EPHA3: variants seen among roughly 807,000 people sequenced by gnomAD.
EPHA3 encodes the protein EPH receptor A3.
In EPHA3, 42 loss-of-function variants were observed where a neutral mutation model predicts 107.1. The observed-to-expected ratio is 0.39, with a 90% confidence interval of 0.31 to 0.51. EPHA3 has a LOEUF of 0.51. EPHA3 is among the 20% of genes least tolerant of loss of function. The probability of loss-of-function intolerance (pLI) is 0.78; values close to 1 mark genes in which losing one functional copy is unlikely to be tolerated. For synonymous variants in EPHA3, 461 were observed against 424.8 expected, an observed-to-expected ratio of 1.09 and a Z score of -1.05; for missense variants, 1,183 against 1,211.2, an observed-to-expected ratio of 0.98 and a Z score of 0.35.
chr3:89,298,114 G>A (rs1295232803), intron 3 of EPHA3, among the ~76,000 whole-genome samples: 1 of 152,072 alleles, frequency 6.6e-6, no homozygotes, highest in African/African-American at 2.4e-5. Context: ...TGGCTGGTGG[G>A]AACAAGCATT....
intron 2 of EPHA3, among the ~76,000 whole-genome samples, chr3:89,155,151 A>T (rs1414587630): frequency 6.6e-6 from 1 of 151,688 alleles, no homozygotes; most frequent in South Asian, 2.1e-4. Context: ...GAGTTAATAG[A>T]CTCAGAAGTG....
chr3:89,263,488 T>C (rs1408503219), intron 3 of EPHA3, among the ~76,000 whole-genome samples: 1 of 152,086 alleles, frequency 6.6e-6, no homozygotes, highest in Non-Finnish European at 1.5e-5. Flanking sequence ...TGCGGGGGAT[T>C]TTATCGCTGG....
At chr3:89,434,601 G>T (rs1709631701) in intron 13 of EPHA3, among the ~76,000 whole-genome samples, 1 of 152,146 alleles carries the variant, frequency 6.6e-6, no homozygotes, top group African/African-American at 2.4e-5. Context: ...AGTTTCTCTG[G>T]CAGGAATTGG....
chr3:89,192,434 ATAAATAAAAGG>A (rs1034154791), intron 2 of EPHA3, among the ~76,000 whole-genome samples: 1 of 151,974 alleles, frequency 6.6e-6, no homozygotes, highest in Non-Finnish European at 1.5e-5. Context: ...AATAATAAAT[ATAAATAAAAGG>A]TAAAATATAC....
rs1458378115 is a variant in EPHA3, at chr3:89,360,299, AC to A, written c.1306+18210del. On this transcript the variant is annotated intron_variant, in intron 5 of 16. Transcript: ENST00000336596. ...TAATGTTACTTGCCAAAAATTTATG[AC>A]TAATTAGATAATAATTGCTTGTCCA... Among the ~76,000 whole-genome samples the A allele has an allele frequency of 2.0e-5, 3 of 150,934 alleles. 1 individual carries two copies. Among genetic ancestry groups the A allele is most frequent in the Non-Finnish European group, 4.4e-5 (3 of 67,454 alleles).
intron 7 of EPHA3, among the ~76,000 whole-genome samples, chr3:89,403,929 G>A (rs974980916): frequency 6.6e-6 from 1 of 152,114 alleles, no homozygotes; most frequent in Non-Finnish European, 1.5e-5. Flanking sequence ...GTGCATGTGT[G>A]TTGTGTTTAA....
chr3:89,452,208 T>G (rs555168625), intron 15 of EPHA3, among the ~76,000 whole-genome samples: 97 of 152,302 alleles, frequency 6.4e-4, no homozygotes, highest in Middle Eastern at 6.8e-3. Context: ...CTTCATTTCC[T>G]TTGGCTATAT....
intron 2 of EPHA3, among the ~76,000 whole-genome samples, chr3:89,141,724 A>G (rs1192713094): frequency 1.3e-5 from 2 of 151,182 alleles, no homozygotes; most frequent in Admixed American, 1.3e-4. Flanking sequence ...AAGAGATGTG[A>G]TCTGTTATAT....
At chr3:89,420,354 C>G (rs567496580) in intron 11 of EPHA3, among the ~76,000 whole-genome samples, 1 of 151,496 alleles carries the variant, frequency 6.6e-6, no homozygotes, top group South Asian at 2.1e-4. Flanking sequence ...TTTAGCATGA[C>G]TAAAAAGGCA....
intron 2 of EPHA3, among the ~76,000 whole-genome samples, chr3:89,158,379 A>T (rs1704851210): frequency 6.6e-6 from 1 of 152,080 alleles, no homozygotes; most frequent in African/African-American, 2.4e-5. Flanking sequence ...CTTACTTCTC[A>T]ATTAAGGTAT....
intron 2 of EPHA3, among the ~76,000 whole-genome samples, chr3:89,200,678 G>T (rs968711440): frequency 3.9e-5 from 6 of 152,286 alleles, no homozygotes; most frequent in African/African-American, 1.4e-4. Context: ...AGGTAGTTTT[G>T]TCCAATATCT....
In EPHA3 at chr3:89,480,821, T is replaced by C; in HGVS notation, c.*1319T>C. On this transcript the variant is annotated 3_prime_UTR_variant, in exon 17 of 17. Coordinates refer to ENST00000336596, the MANE Select transcript of EPHA3 (RefSeq NM_005233.6). ...GAGTCTTCCACTTCAATGCACATGG[T>C]GCAGTTTTGGTGTGTAACTTAGAAG... 1 of 232,536 alleles carries C rather than the reference T, an allele frequency of 4.3e-6. No individual in the cohort carries two copies. Among genetic ancestry groups the C allele is most frequent in the Non-Finnish European group, 8.5e-6 (1 of 117,284 alleles). The allele number at this position is 232,536 out of a possible 1,614,324, so 14.4% of individuals were successfully genotyped here.
chr3:89,291,207 G>C (rs1706200014), intron 3 of EPHA3, among the ~76,000 whole-genome samples: 1 of 152,118 alleles, frequency 6.6e-6, no homozygotes. Flanking sequence ...TATATATTAT[G>C]GGGTTGGTCT....
intron 1 of EPHA3, among the ~76,000 whole-genome samples, chr3:89,122,069 A>G (rs917838866): frequency 6.6e-6 from 1 of 152,186 alleles, no homozygotes; most frequent in Non-Finnish European, 1.5e-5. Flanking sequence ...TTTCTGTATC[A>G]TTTTCTTCAA....
intron 2 of EPHA3, among the ~76,000 whole-genome samples, chr3:89,140,337 TAA>T (rs2107014222): frequency 6.6e-6 from 1 of 151,974 alleles, no homozygotes; most frequent in South Asian, 2.1e-4. Flanking sequence ...CAACTAGTCT[TAA>T]AACAGAAGGA....
At chr3:89,324,155 CT>C (rs749957896) in intron 3 of EPHA3, among the ~76,000 whole-genome samples, 1,809 of 118,996 alleles carry the variant, frequency 0.015, 24 homozygotes, top group African/African-American at 0.043. Context: ...AGATGTCAGT[CT>C]TTTTTTTTTT....
In EPHA3 at chr3:89,386,247, A is replaced by C. The variant is rs547336259; in HGVS notation, c.1307-9590A>C. Among the ~76,000 whole-genome samples the C allele has an allele frequency of 7.2e-5, 11 of 152,308 alleles. No individual in the cohort carries two copies. The South Asian group carries it at 2.1e-3, about 29-fold the overall frequency. On this transcript the variant is annotated intron_variant, in intron 5 of 16. Transcript: ENST00000336596. ...TAATTGCCAAGACAATCGGGAAAAC[A>C]TCTCCAGGGCATGTCAGATATCTTT...
intron 3 of EPHA3, among the ~76,000 whole-genome samples, chr3:89,329,634 G>T (rs1389629432): frequency 6.6e-6 from 1 of 151,726 alleles, no homozygotes; most frequent in Admixed American, 6.6e-5. Context: ...TAAAGTTTTA[G>T]CATAACATAG....
At chr3:89,152,501 G>T (rs1034734171) in intron 2 of EPHA3, among the ~76,000 whole-genome samples, 5 of 151,892 alleles carry the variant, frequency 3.3e-5, no homozygotes, top group African/African-American at 9.7e-5. Context: ...GACCTAAAAC[G>T]TTCATACTGT....
Sources: allele counts gnomAD v4.1 joint callset (sites outside exome capture counted in the v4.1 genomes callset), GRCh38; gene constraint gnomAD v4.1.1; transcripts MANE v1.5; gene names NCBI Gene and HGNC (gene_info 2026-07-23, HGNC 2026-07-21).